Variants in CTNND1 observed in about 807,000 individuals in gnomAD.
CTNND1 encodes the protein catenin delta 1, also known as catenin delta-1.
In CTNND1, 16 loss-of-function variants were observed where a neutral mutation model predicts 112.1. That is an observed-to-expected ratio of 0.14 (90% CI 0.10 to 0.22). The LOEUF (loss-of-function observed/expected upper bound fraction) is 0.22. Among genes scored for constraint, CTNND1 ranks in the 10% least tolerant of loss-of-function variants. CTNND1 has a pLI of 1.00. For missense variants in CTNND1, 1,008 were observed against 1,257.0 expected (o/e 0.80, Z 3.00); for synonymous variants, 420 against 446.5 (o/e 0.94, Z 0.75).
At position 57,789,111 on chromosome 11, in the gene CTNND1, C is replaced by G; in HGVS notation, c.-139C>G. Reference sequence around the variant, plus strand: ...CATGATTTTTTGAATCTAGACTGGGCTGTTCTCTGTGTTAAACCAATCAGT... The same window carrying G: ...CATGATTTTTTGAATCTAGACTGGGGTGTTCTCTGTGTTAAACCAATCAGT... On this transcript the variant is annotated 5_prime_UTR_variant, in exon 2 of 21. Transcript: ENST00000399050. 1 of 1,535,662 alleles carries G rather than the reference C, an allele frequency of 6.5e-7. No individual in the cohort carries two copies. Among genetic ancestry groups the G allele is most frequent in the Non-Finnish European group, 8.7e-7 (1 of 1,146,876 alleles).
intron 17 of CTNND1, among the ~76,000 whole-genome samples, chr11:57,812,190 G>A (rs1376693119): frequency 1.3e-5 from 2 of 152,102 alleles, no homozygotes; most frequent in East Asian, 1.9e-4. Context: ...ACTCACATAG[G>A]TAAAAGCAGA....
intron 6 of CTNND1, 76 bp downstream of exon 6, chr11:57,797,068 G>T: frequency 7.8e-7 from 1 of 1,283,102 alleles, no homozygotes; most frequent in Non-Finnish European, 1.0e-6. Context: ...TCAACTTCTA[G>T]GGGCTTTTTG....
In CTNND1 at chr11:57,791,592, G is replaced by C; in HGVS notation, c.114G>C (p.Ser38=). 6 of 1,611,468 alleles carry C rather than the reference G, an allele frequency of 3.7e-6. No individual in the cohort carries two copies. Among genetic ancestry groups the C allele is most frequent in the Non-Finnish European group, 4.2e-6 (5 of 1,178,886 alleles). The stretch of plus-strand genomic sequence containing the variant: ...TGGAGGAGGAACGGCGCCACGTCTC[G>C]GCGCAGCTGGAACGCGTCCGGGTCT... ...RALEEERRHV[S]AQLERVRVSP... The change falls in exon 3 of 21, where the codon TCG becomes TCC. Residue 38 remains serine, a synonymous_variant. Transcript: ENST00000399050.
intron 3 of CTNND1, among the ~76,000 whole-genome samples, chr11:57,792,695 C>A (rs2060896302): frequency 6.6e-6 from 1 of 152,064 alleles, no homozygotes; most frequent in Non-Finnish European, 1.5e-5. Context: ...CACACCCAGC[C>A]AATTTTTGTA....
Position 57,770,186 on chromosome 11 carries a change from C to G in CTNND1, c.-214+8067C>G, listed in dbSNP as rs113152085. On this transcript the variant is annotated intron_variant, in intron 1 of 20. Coordinates refer to ENST00000399050, the MANE Select transcript of CTNND1 (RefSeq NM_001085458.2). ...CTCTACTAAAAATACAAAAATTAGCCGGGCGTGGTGGCGGGCGCCTGTAAT... is the reference window on the plus strand; with the variant it reads ...CTCTACTAAAAATACAAAAATTAGCGGGGCGTGGTGGCGGGCGCCTGTAAT... Among the ~76,000 whole-genome samples the G allele has an allele frequency of 7.0e-3, 1,053 of 151,084 alleles. 6 individuals are homozygous for G. The highest frequency in any genetic ancestry group is 0.012 in the Non-Finnish European group (790 of 67,798).
chr11:57,783,160 C>A (rs1039493489), intron 1 of CTNND1, among the ~76,000 whole-genome samples: 2 of 152,142 alleles, frequency 1.3e-5, no homozygotes, highest in Non-Finnish European at 2.9e-5. Flanking sequence ...GTGGCACATG[C>A]CTATAGTCCC....
At chr11:57,794,139 C>A in intron 4 of CTNND1, 58 bp downstream of exon 4, 1 of 1,467,448 alleles carries the variant, frequency 6.8e-7, no homozygotes, top group Non-Finnish European at 9.6e-7. Context: ...TTTCCCCAGC[C>A]TATAAGAGCA....
At chr11:57,790,867 C>T (rs557179281) in intron 2 of CTNND1, among the ~76,000 whole-genome samples, 7 of 152,080 alleles carry the variant, frequency 4.6e-5, no homozygotes, top group African/African-American at 1.4e-4. Context: ...CTTTTCATTT[C>T]TTAATTGGCA....
chr11:57,803,572 C>CA lies in CTNND1; in HGVS notation c.1421-48dup, dbSNP rs773286472. 16 of 1,436,988 alleles carry CA rather than the reference C, an allele frequency of 1.1e-5. No homozygotes were observed. In the African/African-American group the frequency reaches 2.3e-4, roughly 20 times the overall value. The allele number at this position is 1,436,988 out of a possible 1,614,324, so 89.0% of individuals were successfully genotyped here. A position where few individuals can be genotyped will look rare whatever the true frequency, so the allele number is the denominator to read the frequency against. ...GGGATTCTCTTTGACGTTCTTCAGA[C>CA]ATATTGTCTTGAATGCTCAAGAGCC... On this transcript the variant is annotated intron_variant, in intron 7 of 20. Coordinates refer to ENST00000399050, the MANE Select transcript of CTNND1 (RefSeq NM_001085458.2).
intron 1 of CTNND1, among the ~76,000 whole-genome samples, chr11:57,773,389 T>C (rs1953239924): frequency 6.6e-6 from 1 of 151,608 alleles, no homozygotes; most frequent in African/African-American, 2.4e-5. Context: ...TCCTTTGGCC[T>C]CCCAAAGTGC....
Position 57,802,175 on chromosome 11 carries a change from G to A in CTNND1, c.1399G>A (p.Asp467Asn), listed in dbSNP as rs1163036613. The change falls in exon 7 of 21, where the codon GAC becomes AAC. Residue 467 changes from aspartate to asparagine, a missense_variant. Physicochemically the swap from Asp to Asn is conservative, Grantham distance 23. This residue lies in a region of CTNND1 where 216 missense variants were observed against 342.8 expected (regional missense o/e 0.63). Coordinates refer to ENST00000399050, the MANE Select transcript of CTNND1 (RefSeq NM_001085458.2). ...ATTGCTTCGAAAGGCTCGTGATATGGACCTTACTGAAGTTATTACCGGTGA... is the reference window on the plus strand; with the variant it reads ...ATTGCTTCGAAAGGCTCGTGATATGAACCTTACTGAAGTTATTACCGGTGA... ...VRLLRKARDM[D>N]LTEVITGTLW... 1.9e-6 allele frequency: 3 copies of A among 1,612,672 alleles called. No individual in the cohort carries two copies. Among genetic ancestry groups the A allele is most frequent in the Non-Finnish European group, 2.5e-6 (3 of 1,179,202 alleles).
rs564166047 is a variant in CTNND1 at position 57,807,253 on chromosome 11, G to T, written c.1963+270G>T. ...GAGCAGAAATTTAGGAACCATAAATGGCCACTGTAGTGCCTGAGACTTAAA... is the reference window on the plus strand; with the variant it reads ...GAGCAGAAATTTAGGAACCATAAATTGCCACTGTAGTGCCTGAGACTTAAA... On this transcript the variant is annotated intron_variant, in intron 12 of 20. Coordinates refer to ENST00000399050, the MANE Select transcript of CTNND1 (RefSeq NM_001085458.2). 2.1e-3 allele frequency among the ~76,000 whole-genome samples: 326 copies of T among 152,224 alleles called. 3 individuals are homozygous for T. The highest frequency in any genetic ancestry group is 9.1e-4 in the Non-Finnish European group (62 of 68,014).
At chr11:57,789,367 C>T (rs537711575) in intron 2 of CTNND1, among the ~76,000 whole-genome samples, 2 of 152,088 alleles carry the variant, frequency 1.3e-5, no homozygotes, top group African/African-American at 2.4e-5. Context: ...TCTTTCATAG[C>T]TATAAGAGAG....
chr11:57,798,286 G>A (rs183762272), intron 6 of CTNND1, among the ~76,000 whole-genome samples: 14 of 148,174 alleles, frequency 9.4e-5, no homozygotes, highest in Non-Finnish European at 1.5e-4. Context: ...GGCAGAGGCT[G>A]TAGTGAGCCG....
intron 11 of CTNND1, chr11:57,806,690 T>G: frequency 4.7e-6 from 3 of 632,940 alleles, no homozygotes; most frequent in Non-Finnish European, 8.4e-6. Context: ...CTCAGGACAA[T>G]AGCATCAACA....
chr11:57,816,134 G>A (rs2063951419), intron 20 of CTNND1, 133 bp downstream of exon 20: 2 of 1,151,012 alleles, frequency 1.7e-6, no homozygotes, highest in East Asian at 4.9e-5. Context: ...GAGGGGTTCT[G>A]CTTTTGTGAT....
chr11:57,770,853 A>T (rs560107499), intron 1 of CTNND1, among the ~76,000 whole-genome samples: 6 of 152,332 alleles, frequency 3.9e-5, no homozygotes, highest in African/African-American at 1.4e-4. Flanking sequence ...GAAATAAAGT[A>T]GCTGGTGTAT....
chr11:57,768,601 G>A (rs1565272347), intron 1 of CTNND1, among the ~76,000 whole-genome samples: 1 of 151,644 alleles, frequency 6.6e-6, no homozygotes, highest in Non-Finnish European at 1.5e-5. Context: ...CACTGTGTTA[G>A]CCAGGATGAT....
chr11:57,807,185 T>A (rs2062778799), intron 12 of CTNND1, among the ~76,000 whole-genome samples: 1 of 152,250 alleles, frequency 6.6e-6, no homozygotes. Flanking sequence ...AAGGCAGTTA[T>A]TCAGGTTACT....
Sources: allele counts gnomAD v4.1 joint callset (sites outside exome capture counted in the v4.1 genomes callset), GRCh38; gene constraint gnomAD v4.1.1; regional missense constraint gnomAD v4.1.1; transcripts MANE v1.5; gene names NCBI Gene and HGNC (gene_info 2026-07-23, HGNC 2026-07-21).